The following TUNAR variants were observed in gnomAD, a reference collection of about 807,000 sequenced individuals.
TUNAR encodes the protein protein TUNAR.
chr14:95,908,853 T>C (rs954877517), intron 2 of TUNAR, among the ~76,000 whole-genome samples: 9 of 152,126 alleles, frequency 5.9e-5, no homozygotes, highest in African/African-American at 1.9e-4. Context: ...CCCAAATCCC[T>C]GGGTCCTTCC....
At chr14:95,887,118 G>A (rs968499636) in intron 2 of TUNAR, among the ~76,000 whole-genome samples, 2 of 152,146 alleles carry the variant, frequency 1.3e-5, no homozygotes, top group African/African-American at 4.8e-5. Flanking sequence ...CTCCTGAAAC[G>A]CACCATCAGG....
At chr14:95,917,927 C>T (rs1875587694) in intron 2 of TUNAR, among the ~76,000 whole-genome samples, 1 of 152,058 alleles carries the variant, frequency 6.6e-6, no homozygotes, top group Non-Finnish European at 1.5e-5. Flanking sequence ...GTTGTTACTC[C>T]AAAAAGAAAT....
At chr14:95,899,856 GA>G (rs1322821394) in intron 2 of TUNAR, among the ~76,000 whole-genome samples, 2 of 152,122 alleles carry the variant, frequency 1.3e-5, no homozygotes, top group African/African-American at 4.8e-5. Flanking sequence ...ATTTTGGGGG[GA>G]CATATTTAGA....
exon 3 of TUNAR, chr14:95,924,840 C>A (rs942924417): frequency 6.6e-6 from 1 of 152,274 alleles, no homozygotes; most frequent in Non-Finnish European, 1.5e-5. Flanking sequence ...GCAGAAGCAG[C>A]AGCAGTCTGC....
At chr14:95,911,174 A>G (rs1332067748) in intron 2 of TUNAR, among the ~76,000 whole-genome samples, 2 of 152,090 alleles carry the variant, frequency 1.3e-5, no homozygotes, top group Non-Finnish European at 2.9e-5. Flanking sequence ...AGCTCTTAGG[A>G]CAGCCCCCTC....
At chr14:95,888,309 A>T (rs1367359420) in intron 2 of TUNAR, among the ~76,000 whole-genome samples, 5 of 152,246 alleles carry the variant, frequency 3.3e-5, no homozygotes, top group Non-Finnish European at 7.3e-5. Flanking sequence ...CAATAGCTTG[A>T]TAAAGGAGTT....
chr14:95,917,764 CA>C (rs1295211628), intron 2 of TUNAR, among the ~76,000 whole-genome samples: 2 of 152,114 alleles, frequency 1.3e-5, no homozygotes, highest in East Asian at 3.8e-4. Flanking sequence ...GATACTATCA[CA>C]AATACTGTTT....
exon 3 of TUNAR, chr14:95,924,702 A>T (rs1192240419): frequency 1.3e-5 from 2 of 152,212 alleles, no homozygotes; most frequent in African/African-American, 4.8e-5. Flanking sequence ...ACTATCATGC[A>T]AACAGCATGG....
intron 2 of TUNAR, among the ~76,000 whole-genome samples, chr14:95,900,733 G>C (rs909868069): frequency 6.6e-6 from 1 of 152,190 alleles, no homozygotes; most frequent in Non-Finnish European, 1.5e-5. Flanking sequence ...GCCTTGGAGC[G>C]CATACTAGTT....
intron 2 of TUNAR, among the ~76,000 whole-genome samples, chr14:95,914,657 GTCA>G (rs1566791912): frequency 1.4e-5 from 2 of 147,714 alleles, no homozygotes; most frequent in Non-Finnish European, 2.9e-5. Context: ...ATGAGCCTCT[GTCA>G]TCATTGTCAT....
intron 2 of TUNAR, among the ~76,000 whole-genome samples, chr14:95,886,214 TC>T (rs1889073091): frequency 6.6e-6 from 1 of 152,290 alleles, no homozygotes; most frequent in Admixed American, 6.5e-5. Flanking sequence ...CCCGCCAGCT[TC>T]CCTGAGCTTC....
At chr14:95,888,025 G>A (rs188518708) in intron 2 of TUNAR, among the ~76,000 whole-genome samples, 11 of 152,282 alleles carry the variant, frequency 7.2e-5, no homozygotes, top group African/African-American at 2.4e-4. Flanking sequence ...GTCACTTTGG[G>A]GGACATGCAC....
chr14:95,917,558 C>T (rs561077043), intron 2 of TUNAR, among the ~76,000 whole-genome samples: 37 of 152,282 alleles, frequency 2.4e-4, no homozygotes, highest in African/African-American at 8.9e-4. Flanking sequence ...CTGCAAAAAA[C>T]CTATAGAACA....
intron 2 of TUNAR, among the ~76,000 whole-genome samples, chr14:95,887,105 G>C (rs1889090135): frequency 6.6e-6 from 1 of 152,176 alleles, no homozygotes; most frequent in South Asian, 2.1e-4. Context: ...TGGAGCTCTA[G>C]GGCTCCTGAA....
chr14:95,924,776 A>G (rs892738982), exon 3 of TUNAR: 18 of 152,250 alleles, frequency 1.2e-4, no homozygotes, highest in Admixed American at 3.3e-4. Context: ...TGGGTATTCA[A>G]GATGAGATTT....
chr14:95,911,197 C>T (rs1889506996), intron 2 of TUNAR, among the ~76,000 whole-genome samples: 2 of 152,192 alleles, frequency 1.3e-5, no homozygotes, highest in South Asian at 4.1e-4. Context: ...CATGCTGCTG[C>T]GCCAGCCCTA....
At chr14:95,911,588 A>G (rs1889514737) in intron 2 of TUNAR, among the ~76,000 whole-genome samples, 1 of 152,198 alleles carries the variant, frequency 6.6e-6, no homozygotes, top group South Asian at 2.1e-4. Context: ...CAACGATGCT[A>G]AATTTCCAGG....
At chr14:95,894,504 C>T (rs757977222) in intron 2 of TUNAR, among the ~76,000 whole-genome samples, 1 of 152,144 alleles carries the variant, frequency 6.6e-6, no homozygotes, top group Non-Finnish European at 1.5e-5. Flanking sequence ...TCAGGATTTG[C>T]GAACTTGCGG....
chr14:95,885,010 T>C (rs984190997), intron 2 of TUNAR, among the ~76,000 whole-genome samples: 2 of 152,124 alleles, frequency 1.3e-5, no homozygotes, highest in African/African-American at 4.8e-5. Context: ...AGATGGACCA[T>C]GTTGTGAGAT....
Sources: gnomAD v4.1 joint callset for allele counts (sites outside exome capture counted in the v4.1 genomes callset) on GRCh38, gnomAD v4.1.1 for gene constraint, MANE v1.5 for transcripts, NCBI Gene and HGNC (gene_info 2026-07-23, HGNC 2026-07-21) for gene names.